BZW2: variants seen among roughly 807,000 people sequenced by gnomAD.
The protein encoded by BZW2 is basic leucine zipper and W2 domains 2, also known as eIF5-mimic protein 1.
BZW2 carries 23 observed loss-of-function variants against 53.2 expected under a neutral mutation model. That is an observed-to-expected ratio of 0.43 (90% CI 0.31 to 0.61). The LOEUF is 0.61. Ranked by LOEUF, BZW2 falls within the 20% of genes least tolerant of loss-of-function variation. The pLI is 0.09. For missense variants in BZW2, 409 were observed against 503.1 expected (o/e 0.81, Z 1.79); for synonymous variants, 227 against 186.4 (o/e 1.22, Z -1.77).
chr7:16,660,826 G>A (rs1021939779), intron 1 of BZW2, among the ~76,000 whole-genome samples: 5 of 152,058 alleles, frequency 3.3e-5, no homozygotes, highest in African/African-American at 9.7e-5. Context: ...GATACAATGC[G>A]CTAGAATAGG....
intron 1 of BZW2, among the ~76,000 whole-genome samples, chr7:16,652,382 A>G (rs1335191846): frequency 1.3e-5 from 2 of 151,992 alleles, no homozygotes; most frequent in African/African-American, 4.8e-5. Context: ...ATTGTGCAAT[A>G]CTTGGAACAA....
At chr7:16,705,914 CAT>C in intron 11 of BZW2, 144 bp from the exon 12 acceptor site, 1 of 867,280 alleles carries the variant, frequency 1.2e-6, no homozygotes, top group South Asian at 1.7e-5. Context: ...TATCTGCCCT[CAT>C]GTGACTATTT....
chr7:16,688,202 T>C (rs1177768512), intron 6 of BZW2, among the ~76,000 whole-genome samples: 1 of 152,160 alleles, frequency 6.6e-6, no homozygotes, highest in Non-Finnish European at 1.5e-5. Context: ...AAATAGAAAA[T>C]TAGGACAGAC....
intron 1 of BZW2, among the ~76,000 whole-genome samples, chr7:16,649,381 TG>T (rs1254102650): frequency 5.3e-5 from 8 of 152,230 alleles, no homozygotes; most frequent in Non-Finnish European, 8.8e-5. Flanking sequence ...TGAGGTGAGG[TG>T]GCACTAAGCA....
At chr7:16,701,653 G>T (rs369497582) in intron 10 of BZW2, among the ~76,000 whole-genome samples, 1 of 150,772 alleles carries the variant, frequency 6.6e-6, no homozygotes, top group African/African-American at 2.4e-5. Context: ...TTGTCTCTTC[G>T]ATCCTCATGA....
intron 6 of BZW2, 184 bp downstream of exon 6, chr7:16,686,224 G>C (rs1311428403): frequency 4.2e-6 from 4 of 959,240 alleles, no homozygotes. Context: ...GTTAATTGTA[G>C]GAAGTTTGAA....
rs1783849724 is a variant in BZW2 at position 16,706,171 on chromosome 7, G to T, written c.*83G>T. ...TGAACCATTTGAGAAGAGAAACTTG[G>T]CTTCTGTTTTCGCAAAGGAAAAAAA... On this transcript the variant is annotated 3_prime_UTR_variant, in exon 12 of 12. Transcript: ENST00000258761. 9 of 1,482,078 alleles carry T rather than the reference G, an allele frequency of 6.1e-6. No individual in the cohort carries two copies. Among genetic ancestry groups the T allele is most frequent in the Non-Finnish European group, 8.3e-6 (9 of 1,079,768 alleles). 91.8% of individuals were successfully genotyped at this position (1,482,078 alleles called of 1,614,324 possible).
At chr7:16,690,091 G>T (rs1178756626) in intron 7 of BZW2, among the ~76,000 whole-genome samples, 185 bp downstream of exon 7, 1 of 152,096 alleles carries the variant, frequency 6.6e-6, no homozygotes, top group Non-Finnish European at 1.5e-5. Context: ...TGAACAAATG[G>T]CACAATAAAA....
intron 5 of BZW2, among the ~76,000 whole-genome samples, chr7:16,683,714 T>A (rs1783027133): frequency 6.6e-6 from 1 of 152,272 alleles, no homozygotes; most frequent in Non-Finnish European, 1.5e-5. Flanking sequence ...TATTTATATA[T>A]GGCACCCACT....
Position 16,706,263 on chromosome 7 carries a change from G to C in BZW2, c.*175G>C, listed in dbSNP as rs1016131819. 1.5e-6 allele frequency: 1 copy of C among 649,794 alleles called. No homozygotes were observed. Among genetic ancestry groups the C allele is most frequent in the Non-Finnish European group, 2.6e-6 (1 of 386,848 alleles). 40.3% of individuals were successfully genotyped at this position (649,794 alleles called of 1,614,324 possible). On this transcript the variant is annotated 3_prime_UTR_variant, in exon 12 of 12. Coordinates refer to ENST00000258761, the MANE Select transcript of BZW2 (RefSeq NM_014038.3). The stretch of plus-strand genomic sequence containing the variant: ...TGTTTTTGTTTTGTTTTTAAATGGA[G>C]CCCTGAGGCATCAGCTATTATACTT...
chr7:16,658,134 C>G (rs1400257622), intron 1 of BZW2, among the ~76,000 whole-genome samples: 5 of 152,088 alleles, frequency 3.3e-5, no homozygotes, highest in Admixed American at 2.0e-4. Flanking sequence ...GATAACCCAT[C>G]TGGGGAAAGT....
chr7:16,646,539 G>A (rs987738259), intron 1 of BZW2, among the ~76,000 whole-genome samples: 1 of 151,932 alleles, frequency 6.6e-6, no homozygotes, highest in African/African-American at 2.4e-5. Flanking sequence ...CTGGGACCGC[G>A]GGCGGGCGGG....
chr7:16,657,880 A>G (rs1447675113), intron 1 of BZW2, among the ~76,000 whole-genome samples: 1 of 152,194 alleles, frequency 6.6e-6, no homozygotes, highest in Non-Finnish European at 1.5e-5. Context: ...CTTCACTGAC[A>G]TTTCAGACCT....
chr7:16,685,798 A>G lies in BZW2; in HGVS notation c.406-107A>G, dbSNP rs930279835. Reference sequence around the variant, plus strand: ...CCTTCTGTTTGTGTGCCACGTAGCCATGGATGTTCACAGTTTATCTTCCCA... The same window carrying G: ...CCTTCTGTTTGTGTGCCACGTAGCCGTGGATGTTCACAGTTTATCTTCCCA... On this transcript the variant is annotated intron_variant, in intron 5 of 11. Transcript: ENST00000258761. 1.9e-5 allele frequency: 25 copies of G among 1,334,760 alleles called. No individual in the cohort carries two copies. The African/African-American group carries it at 2.4e-4, about 13-fold the overall frequency. The allele number at this position is 1,334,760 out of a possible 1,614,324, so 82.7% of individuals were successfully genotyped here. A position where few individuals can be genotyped will look rare whatever the true frequency, so the allele number is the denominator to read the frequency against.
intron 10 of BZW2, among the ~76,000 whole-genome samples, chr7:16,701,236 A>G (rs541429059): frequency 1.3e-5 from 2 of 152,316 alleles, no homozygotes; most frequent in South Asian, 4.1e-4. Context: ...ACTTTCAAGC[A>G]TCACATTATT....
intron 7 of BZW2, among the ~76,000 whole-genome samples, chr7:16,692,793 AAG>A (rs1362312353): frequency 6.6e-6 from 1 of 152,136 alleles, no homozygotes; most frequent in Non-Finnish European, 1.5e-5. Flanking sequence ...TTAAGTAGGA[AAG>A]AGTTAAAGAG....
chr7:16,676,595 A>G (rs1782772927), intron 3 of BZW2, among the ~76,000 whole-genome samples: 2 of 152,168 alleles, frequency 1.3e-5, no homozygotes, highest in South Asian at 2.1e-4. Context: ...AATGTTAGCT[A>G]CCTAATTTCA....
At chr7:16,681,156 C>T in intron 3 of BZW2, 145 bp from the exon 4 acceptor site, 1 of 674,402 alleles carries the variant, frequency 1.5e-6, no homozygotes, top group Non-Finnish European at 2.5e-6. Flanking sequence ...TCTATACATA[C>T]ATGTCATTCT....
chr7:16,689,636 A>T (rs552136026), intron 6 of BZW2, among the ~76,000 whole-genome samples, 161 bp from the exon 7 acceptor site: 7 of 152,354 alleles, frequency 4.6e-5, no homozygotes, highest in African/African-American at 1.7e-4. Context: ...AGTTTGAGTA[A>T]TGAGAAGAGG....
Sources: gnomAD v4.1 joint callset for allele counts (sites outside exome capture counted in the v4.1 genomes callset) on GRCh38, gnomAD v4.1.1 for gene constraint, MANE v1.5 for transcripts, NCBI Gene and HGNC (gene_info 2026-07-23, HGNC 2026-07-21) for gene names.